The following LHPP variants were observed in gnomAD, a reference collection of about 807,000 sequenced individuals.
LHPP encodes phospholysine phosphohistidine inorganic pyrophosphate phosphatase.
LHPP carries 24 observed loss-of-function variants against 30.3 expected under a neutral mutation model. The observed-to-expected ratio is 0.79, with a 90% CI of 0.57 to 1.11. The LOEUF is 1.11. Ranked by LOEUF, LHPP falls within the 50% of genes most tolerant of loss-of-function variation. The pLI, the probability that LHPP is intolerant of heterozygous loss-of-function variation, is 0.00. For missense variants in LHPP, 356 were observed against 367.2 expected (o/e 0.97, Z 0.25); for synonymous variants, 150 against 157.1 (o/e 0.95, Z 0.34).
chr10:124,501,208 A>G (rs555964196), intron 5 of LHPP, among the ~76,000 whole-genome samples: 7 of 152,068 alleles, frequency 4.6e-5, no homozygotes, highest in East Asian at 1.9e-4. Context: ...GGGCAAATCC[A>G]TAGAGATGGA....
chr10:124,563,295 A>ATG (rs1948427015), intron 6 of LHPP, among the ~76,000 whole-genome samples: 1 of 44,964 alleles, frequency 2.2e-5, no homozygotes, highest in Admixed American at 2.8e-4. Context: ...AAAAGAAACA[A>ATG]TCTCTCTCTC....
chr10:124,497,138 CTT>C, intron 4 of LHPP, 114 bp downstream of exon 4: 1 of 824,070 alleles, frequency 1.2e-6, no homozygotes, highest in Non-Finnish European at 2.0e-6. Flanking sequence ...GCCTTTTGGG[CTT>C]CCACAAAGGC....
At chr10:124,543,884 G>A (rs1403360046) in intron 6 of LHPP, among the ~76,000 whole-genome samples, 1 of 152,140 alleles carries the variant, frequency 6.6e-6, no homozygotes, top group African/African-American at 2.4e-5. Flanking sequence ...ACCACAGTTA[G>A]CATTTTGTTC....
intron 1 of LHPP, among the ~76,000 whole-genome samples, chr10:124,465,496 T>G (rs1259493442): frequency 6.6e-6 from 1 of 152,124 alleles, no homozygotes. Flanking sequence ...GGCCTTTACA[T>G]CCAGGCCTTG....
At chr10:124,561,735 G>T (rs563429792) in intron 6 of LHPP, among the ~76,000 whole-genome samples, 1 of 151,774 alleles carries the variant, frequency 6.6e-6, no homozygotes, top group Non-Finnish European at 1.5e-5. Context: ...CCCTGCCTGA[G>T]TTGTGTCCAG....
chr10:124,568,256 G>T (rs1347938352), intron 6 of LHPP, among the ~76,000 whole-genome samples: 1 of 152,070 alleles, frequency 6.6e-6, no homozygotes, highest in African/African-American at 2.4e-5. Flanking sequence ...ACATACCTAC[G>T]GAGCCGTGTG....
intron 6 of LHPP, among the ~76,000 whole-genome samples, chr10:124,547,021 G>GCA (rs58588487): frequency 0.16 from 15,436 of 95,566 alleles, 1,114 homozygotes; most frequent in South Asian, 0.34. Flanking sequence ...TTCTTTTTCT[G>GCA]CACACACACA....
chr10:124,576,561 A>G lies in LHPP; in HGVS notation c.717-36703A>G, dbSNP rs1032873266. ...GATCCCCCTTTGCTGCCACCCCTAT[A>G]TCTTACCCCAGACTCCCCCATATCT... On this transcript the variant is annotated intron_variant, in intron 6 of 6. Transcript: ENST00000368842. This position sits in a 1 kb window ranked among gnomAD's most constrained non-coding sequence, Gnocchi z 4.2. Among the ~76,000 whole-genome samples the G allele has an allele frequency of 7.0e-6, 1 of 142,166 alleles. No individual in the cohort carries two copies. Among genetic ancestry groups the G allele is most frequent in the Non-Finnish European group, 1.5e-5 (1 of 64,674 alleles). The allele number at this position is 142,166 out of a possible 152,430, so 93.3% of individuals were successfully genotyped here. A position where few individuals can be genotyped will look rare whatever the true frequency, so the allele number is the denominator to read the frequency against.
chr10:124,518,637 T>C (rs10901745), intron 6 of LHPP, among the ~76,000 whole-genome samples: 25,453 of 152,228 alleles, frequency 0.17, 3,056 homozygotes, highest in South Asian at 0.32. Context: ...AGAACCGTAC[T>C]GTGTTGTGTA....
intron 6 of LHPP, among the ~76,000 whole-genome samples, chr10:124,609,893 C>T (rs1949146070): frequency 6.6e-6 from 1 of 152,224 alleles, no homozygotes; most frequent in African/African-American, 2.4e-5. Context: ...CCATCCTCCC[C>T]CTGGCGGGCA....
intron 6 of LHPP, among the ~76,000 whole-genome samples, chr10:124,524,303 G>A (rs991076569): frequency 7.2e-6 from 1 of 138,564 alleles, no homozygotes; most frequent in Non-Finnish European, 1.5e-5. Context: ...TTGAGACAGA[G>A]TCTCACTCTG....
At chr10:124,598,252 A>AG (rs1435825536) in intron 6 of LHPP, among the ~76,000 whole-genome samples, 1 of 152,212 alleles carries the variant, frequency 6.6e-6, no homozygotes, top group East Asian at 1.9e-4. Context: ...ATCAGCCTGG[A>AG]GGGGACACAG....
At chr10:124,542,232 C>T (rs1305921937) in intron 6 of LHPP, among the ~76,000 whole-genome samples, 2 of 152,200 alleles carry the variant, frequency 1.3e-5, no homozygotes, top group Non-Finnish European at 2.9e-5. Context: ...ACGGGGCTTG[C>T]ACAGATCGGA....
chr10:124,486,292 C>A (rs1199238302), intron 2 of LHPP, among the ~76,000 whole-genome samples: 5 of 152,154 alleles, frequency 3.3e-5, no homozygotes, highest in Admixed American at 2.6e-4. Flanking sequence ...TTAGAGGCAA[C>A]CACTGTTTGG....
Position 124,613,531 on chromosome 10 carries a change from G to A in LHPP, c.*171G>A. 1 of 628,194 alleles carries A rather than the reference G, an allele frequency of 1.6e-6. No homozygotes were observed. Among genetic ancestry groups the A allele is most frequent in the South Asian group, 1.8e-5 (1 of 55,978 alleles). The allele number at this position is 628,194 out of a possible 1,614,324, so 38.9% of individuals were successfully genotyped here. A position where few individuals can be genotyped will look rare whatever the true frequency, so the allele number is the denominator to read the frequency against. Reference sequence around the variant, plus strand: ...TGCCCCAGTGCCCAGACCAACCAAGGCCCTGACAGCCCTGCCTTCTGCCCT... The same window carrying A: ...TGCCCCAGTGCCCAGACCAACCAAGACCCTGACAGCCCTGCCTTCTGCCCT... On this transcript the variant is annotated 3_prime_UTR_variant, in exon 7 of 7. Transcript: ENST00000368842.
intron 6 of LHPP, among the ~76,000 whole-genome samples, chr10:124,543,430 C>T (rs1048673685): frequency 1.4e-4 from 21 of 152,376 alleles, no homozygotes; most frequent in African/African-American, 4.6e-4. Context: ...CGGTGATGTG[C>T]TGACTGGGAA....
chr10:124,515,187 G>T (rs1428229720), intron 5 of LHPP, among the ~76,000 whole-genome samples: 1 of 152,110 alleles, frequency 6.6e-6, no homozygotes, highest in Non-Finnish European at 1.5e-5. Context: ...GTTCATTTTT[G>T]AAAATAATTT....
At chr10:124,518,720 C>G (rs1045185213) in intron 6 of LHPP, among the ~76,000 whole-genome samples, 7 of 152,202 alleles carry the variant, frequency 4.6e-5, no homozygotes, top group Admixed American at 1.3e-4. Flanking sequence ...GTCTTTCTGG[C>G]CAGCCCAGGC....
intron 6 of LHPP, among the ~76,000 whole-genome samples, chr10:124,568,434 T>C (rs1440808451): frequency 6.6e-6 from 1 of 152,172 alleles, no homozygotes; most frequent in East Asian, 1.9e-4. Context: ...ACAGTTTTGT[T>C]CGCTCCTTTG....
Sources: gnomAD v4.1 joint callset for allele counts (sites outside exome capture counted in the v4.1 genomes callset) on GRCh38, gnomAD v4.1.1 for gene constraint, Gnocchi (gnomAD v3.1) non-coding constraint, MANE v1.5 for transcripts, NCBI Gene and HGNC (gene_info 2026-07-23, HGNC 2026-07-21) for gene names.